The following PKN2 variants were observed in gnomAD, a reference collection of about 807,000 sequenced individuals.
PKN2 encodes the protein protein kinase N2.
PKN2 carries 38 observed loss-of-function variants against 119.1 expected under a neutral mutation model. That is an observed-to-expected ratio of 0.32 (90% CI 0.25 to 0.42). The LOEUF (loss-of-function observed/expected upper bound fraction) is 0.42, where lower values mean the gene tolerates loss of function less well. Ranked by LOEUF, PKN2 falls within the 10% of genes least tolerant of loss-of-function variation. The pLI, the probability that PKN2 is intolerant of heterozygous loss-of-function variation, is 1.00. For synonymous variants in PKN2, 390 were observed against 384.9 expected (o/e 1.01, Z -0.15); for missense variants, 850 against 1,165.1 (o/e 0.73, Z 3.94).
intron 1 of PKN2, among the ~76,000 whole-genome samples, chr1:88,694,797 C>T (rs772211816): frequency 9.4e-4 from 143 of 152,166 alleles, no homozygotes; most frequent in Admixed American, 2.0e-3. Context: ...TTTGGTCATT[C>T]TAATAAGTGT....
intron 8 of PKN2, among the ~76,000 whole-genome samples, chr1:88,794,367 C>CAAA (rs61455908): frequency 0.057 from 6,695 of 117,200 alleles, 290 homozygotes; most frequent in African/African-American, 0.14. Context: ...AATTCTGTCT[C>CAAA]AAAAAAAAAA....
chr1:88,767,785 A>G (rs1262747106), intron 3 of PKN2, among the ~76,000 whole-genome samples: 2 of 152,188 alleles, frequency 1.3e-5, no homozygotes, highest in Non-Finnish European at 2.9e-5. Context: ...TTTTTCCTCC[A>G]TGGTATATTA....
At chr1:88,684,873 C>G (rs1666014110) in intron 1 of PKN2, 2 of 449,764 alleles carry the variant, frequency 4.4e-6, no homozygotes, top group Non-Finnish European at 3.9e-6. Flanking sequence ...CCAGAGGGGA[C>G]CCCATCTCTG....
intron 7 of PKN2, among the ~76,000 whole-genome samples, chr1:88,785,338 G>A (rs554893148): frequency 2.0e-5 from 3 of 152,126 alleles, no homozygotes; most frequent in East Asian, 1.9e-4. Context: ...TGCCCAGGAT[G>A]GTCTCGAACT....
At chr1:88,723,209 G>A (rs1451227365) in intron 1 of PKN2, among the ~76,000 whole-genome samples, 3 of 151,842 alleles carry the variant, frequency 2.0e-5, no homozygotes, top group Non-Finnish European at 4.4e-5. Context: ...CACCTCCCGG[G>A]TTCAAGCGAT....
chr1:88,724,527 G>T (rs1253660902), intron 1 of PKN2, among the ~76,000 whole-genome samples: 2 of 149,536 alleles, frequency 1.3e-5, no homozygotes, highest in African/African-American at 4.9e-5. Context: ...TTAAATTTAT[G>T]TATAACATTG....
rs540155129 is a variant in PKN2, at chr1:88,819,283, A to G, written c.2280-2658A>G. On this transcript the variant is annotated intron_variant, in intron 16 of 21. Transcript: ENST00000370521. ...ATTTTTGCAATCTGTCCATCTGACAAAGGGCTAATATCCAGAATCTACAAG... is the reference window on the plus strand; with the variant it reads ...ATTTTTGCAATCTGTCCATCTGACAGAGGGCTAATATCCAGAATCTACAAG... 2.6e-5 allele frequency among the ~76,000 whole-genome samples: 4 copies of G among 152,342 alleles called. No homozygotes were observed. The South Asian group carries it at 8.3e-4, about 32-fold the overall frequency.
At chr1:88,688,727 A>G (rs1666212463) in intron 1 of PKN2, among the ~76,000 whole-genome samples, 1 of 152,102 alleles carries the variant, frequency 6.6e-6, no homozygotes, top group Non-Finnish European at 1.5e-5. Context: ...ATTTAACATT[A>G]CTCTGTAGAC....
chr1:88,686,537 T>C (rs1228412249), intron 1 of PKN2, among the ~76,000 whole-genome samples: 1 of 152,084 alleles, frequency 6.6e-6, no homozygotes, highest in East Asian at 1.9e-4. Context: ...AACTGAAATA[T>C]AACCCCTTCC....
In PKN2 at chr1:88,684,428, C is replaced by A; in HGVS notation, c.-153C>A. The A allele has an allele frequency of 1.5e-6, 1 of 648,616 alleles. No individual in the cohort carries two copies. The allele number at this position is 648,616 out of a possible 1,614,324, so 40.2% of individuals were successfully genotyped here. On this transcript the variant is annotated 5_prime_UTR_variant, in exon 1 of 22. Transcript: ENST00000370521. ...TCGATGAACCGGACGGAATAAGCCG[C>A]GCCTCCAGCAGGGGCTGCGCCTCCA...
intron 16 of PKN2, among the ~76,000 whole-genome samples, chr1:88,817,172 C>A (rs1192731865): frequency 6.6e-6 from 1 of 152,146 alleles, no homozygotes; most frequent in Non-Finnish European, 1.5e-5. Context: ...CAAACCAAAT[C>A]CAGCAGCACA....
chr1:88,788,523 G>A (rs547349992), intron 8 of PKN2, among the ~76,000 whole-genome samples: 26 of 151,502 alleles, frequency 1.7e-4, no homozygotes, highest in Non-Finnish European at 7.4e-5. Context: ...TCGGCTCATC[G>A]CAACCTCTGC....
intron 8 of PKN2, among the ~76,000 whole-genome samples, chr1:88,798,986 T>C (rs1277592624): frequency 2.7e-5 from 4 of 150,760 alleles, no homozygotes; most frequent in African/African-American, 5.0e-5. Flanking sequence ...GAAAATCTTA[T>C]GTAACAATAT....
chr1:88,697,518 G>A (rs1666589444), intron 1 of PKN2, among the ~76,000 whole-genome samples: 1 of 151,986 alleles, frequency 6.6e-6, no homozygotes, highest in East Asian at 1.9e-4. Flanking sequence ...TTATCATTTG[G>A]ATGATTATAA....
chr1:88,743,927 T>C (rs1371478462), intron 2 of PKN2, among the ~76,000 whole-genome samples: 2 of 151,480 alleles, frequency 1.3e-5, no homozygotes, highest in African/African-American at 2.4e-5. Flanking sequence ...ATATGAAATA[T>C]AACTTTATAC....
intron 8 of PKN2, among the ~76,000 whole-genome samples, chr1:88,803,934 A>G (rs995872404): frequency 6.6e-6 from 1 of 152,208 alleles, no homozygotes; most frequent in Non-Finnish European, 1.5e-5. Context: ...TACAGAATAA[A>G]TGCTATTTGC....
At chr1:88,807,163 A>T in intron 12 of PKN2, 150 bp from the exon 13 acceptor site, 1 of 599,298 alleles carries the variant, frequency 1.7e-6, no homozygotes, top group Non-Finnish European at 2.7e-6. Flanking sequence ...AAAAGAAAAA[A>T]AAATTTTTTT....
At chr1:88,822,698 C>T (rs111982860) in intron 17 of PKN2, among the ~76,000 whole-genome samples, 5,977 of 151,678 alleles carry the variant, frequency 0.039, 270 homozygotes, top group African/African-American at 0.1. Flanking sequence ...CCTGCCTCAG[C>T]CTCCTGAGTA....
At chr1:88,825,194 C>G (rs1672450597) in intron 18 of PKN2, among the ~76,000 whole-genome samples, 1 of 152,168 alleles carries the variant, frequency 6.6e-6, no homozygotes, top group Admixed American at 6.5e-5. Flanking sequence ...ACCCACTGAC[C>G]TAATTGCTGA....
Sources: gnomAD v4.1 joint callset for allele counts (sites outside exome capture counted in the v4.1 genomes callset) on GRCh38, gnomAD v4.1.1 for gene constraint, MANE v1.5 for transcripts, NCBI Gene and HGNC (gene_info 2026-07-23, HGNC 2026-07-21) for gene names.